The following ANKS1B variants were observed in gnomAD, a reference collection of about 807,000 sequenced individuals.
The protein encoded by ANKS1B is ankyrin repeat and sterile alpha motif domain-containing protein 1B.
Under a neutral mutation model 148.3 loss-of-function variants are expected in ANKS1B, and 36 were observed. The observed-to-expected ratio is 0.24, with a 90% CI of 0.19 to 0.32. The LOEUF (loss-of-function observed/expected upper bound fraction) is 0.32, where lower values mean the gene tolerates loss of function less well. Ranked by LOEUF, ANKS1B falls within the 10% of genes least tolerant of loss-of-function variation. The probability of loss-of-function intolerance (pLI) is 1.00; values close to 1 mark genes in which losing one functional copy is unlikely to be tolerated. For missense variants in ANKS1B, 1,157 were observed against 1,542.6 expected (o/e 0.75, Z 4.19); for synonymous variants, 542 against 560.8 (o/e 0.97, Z 0.47).
At chr12:99,665,361 T>C (rs1326321841) in intron 8 of ANKS1B, among the ~76,000 whole-genome samples, 1 of 152,224 alleles carries the variant, frequency 6.6e-6, no homozygotes, top group Non-Finnish European at 1.5e-5. Context: ...ATCACAATAA[T>C]AGTACTTTTA....
At chr12:99,959,752 C>T (rs2095382701) in intron 1 of ANKS1B, among the ~76,000 whole-genome samples, 1 of 152,144 alleles carries the variant, frequency 6.6e-6, no homozygotes. Context: ...ATAGTTGACA[C>T]TGAACAGCGT....
At chr12:99,229,852 G>T (rs950637647) in intron 14 of ANKS1B, among the ~76,000 whole-genome samples, 1 of 151,964 alleles carries the variant, frequency 6.6e-6, no homozygotes. Flanking sequence ...GAAGACATTT[G>T]CAAGTGGTTT....
At chr12:99,232,445 G>T (rs1449651879) in intron 14 of ANKS1B, among the ~76,000 whole-genome samples, 1 of 152,218 alleles carries the variant, frequency 6.6e-6, no homozygotes, top group Non-Finnish European at 1.5e-5. Flanking sequence ...GGGTGTTTAT[G>T]AGATTATCTG....
intron 17 of ANKS1B, among the ~76,000 whole-genome samples, chr12:98,896,308 G>A (rs2099764512): frequency 6.6e-6 from 1 of 152,150 alleles, no homozygotes; most frequent in African/African-American, 2.4e-5. Flanking sequence ...CTCTAAAATA[G>A]AAATATGAAT....
At chr12:98,916,025 C>G (rs1199365420) in intron 17 of ANKS1B, among the ~76,000 whole-genome samples, 3 of 152,190 alleles carry the variant, frequency 2.0e-5, no homozygotes, top group Admixed American at 2.0e-4. Context: ...CTGCTTAACG[C>G]TCCCACCACC....
rs200039726 is a variant in ANKS1B, at chr12:99,980,018, GA to G, written c.134+4085del. Among the ~76,000 whole-genome samples the G allele has an allele frequency of 7.0e-3, 1,044 of 149,768 alleles. 15 individuals carry two copies. The highest frequency in any genetic ancestry group is 0.024 in the African/African-American group (984 of 40,854). ...AGACAGACTCAAGAGTCAGAAAGAA[GA>G]AAAAAAAGAGTCAAAAAGATATAGA... On this transcript the variant is annotated intron_variant, in intron 1 of 26. Coordinates refer to ENST00000683438, the MANE Select transcript of ANKS1B (RefSeq NM_001352186.2).
At chr12:98,958,362 A>G (rs1301170170) in intron 17 of ANKS1B, among the ~76,000 whole-genome samples, 1 of 152,226 alleles carries the variant, frequency 6.6e-6, no homozygotes, top group African/African-American at 2.4e-5. Flanking sequence ...ACACAGCAAT[A>G]TATCTTAGAG....
chr12:99,298,278 C>T (rs138183472), intron 12 of ANKS1B, among the ~76,000 whole-genome samples: 108 of 152,286 alleles, frequency 7.1e-4, no homozygotes, highest in African/African-American at 2.3e-3. Flanking sequence ...ATAATCCCCA[C>T]GTGTCAAGGG....
intron 1 of ANKS1B, among the ~76,000 whole-genome samples, chr12:99,935,017 T>A (rs2094723742): frequency 6.6e-6 from 1 of 152,042 alleles, no homozygotes; most frequent in Non-Finnish European, 1.5e-5. Flanking sequence ...AATATTTGAA[T>A]GTATATACAG....
At chr12:99,648,951 A>G (rs2098399997) in intron 9 of ANKS1B, among the ~76,000 whole-genome samples, 1 of 152,130 alleles carries the variant, frequency 6.6e-6, no homozygotes, top group South Asian at 2.1e-4. Context: ...TACATTGAGG[A>G]GGTTCCTAGT....
At chr12:99,750,418 A>G (rs888036307) in intron 8 of ANKS1B, among the ~76,000 whole-genome samples, 36 of 152,130 alleles carry the variant, frequency 2.4e-4, no homozygotes, top group Admixed American at 1.2e-3. Flanking sequence ...TTATACTACT[A>G]CCTATAACTA....
intron 9 of ANKS1B, among the ~76,000 whole-genome samples, chr12:99,549,776 T>A (rs1242749578): frequency 6.6e-6 from 1 of 152,212 alleles, no homozygotes; most frequent in African/African-American, 2.4e-5. Context: ...TAGCCCAACA[T>A]TTTGTAAACT....
At chr12:99,733,161 G>A (rs901652605) in intron 8 of ANKS1B, among the ~76,000 whole-genome samples, 1 of 152,040 alleles carries the variant, frequency 6.6e-6, no homozygotes, top group Non-Finnish European at 1.5e-5. Context: ...TTTATGCTTG[G>A]CCATGCGACT....
At chr12:99,890,130 T>G (rs1348013952) in intron 1 of ANKS1B, among the ~76,000 whole-genome samples, 2 of 152,218 alleles carry the variant, frequency 1.3e-5, no homozygotes, top group South Asian at 2.1e-4. Flanking sequence ...CTTGGAGAGA[T>G]AATTATAATA....
In ANKS1B at chr12:98,835,119, AT is replaced by A. The variant is rs958579144; in HGVS notation, c.2779-2984del. Among the ~76,000 whole-genome samples the A allele has an allele frequency of 1.3e-3, 184 of 146,816 alleles. 1 individual carries two copies. The highest frequency in any genetic ancestry group is 1.9e-3 in the Non-Finnish European group (126 of 67,644). ...CTTAATTATTATTATTATTATTATT[AT>A]TATTATTTACAAAACTGACACTAAA... is the stretch of plus-strand genomic sequence containing the variant. On this transcript the variant is annotated intron_variant, in intron 17 of 26. Coordinates refer to ENST00000683438, the MANE Select transcript of ANKS1B (RefSeq NM_001352186.2).
chr12:98,753,845 C>A (rs1024941484), intron 25 of ANKS1B, among the ~76,000 whole-genome samples: 1 of 152,206 alleles, frequency 6.6e-6, no homozygotes, highest in Non-Finnish European at 1.5e-5. Flanking sequence ...TCTGTTCCTG[C>A]CCATCTCCAC....
intron 17 of ANKS1B, among the ~76,000 whole-genome samples, chr12:99,026,686 A>G (rs993172419): frequency 2.0e-4 from 31 of 152,164 alleles, no homozygotes; most frequent in Admixed American, 9.8e-4. Context: ...CTACTCTGCC[A>G]TGTTACCTGA....
chr12:99,935,355 G>C (rs553543131), intron 1 of ANKS1B, among the ~76,000 whole-genome samples: 1 of 60,324 alleles, frequency 1.7e-5, no homozygotes. Flanking sequence ...GTAGATGCCT[G>C]ACAAAAAAAA....
intron 9 of ANKS1B, among the ~76,000 whole-genome samples, chr12:98,738,577 A>G (rs2097784409): frequency 6.6e-6 from 1 of 152,228 alleles, no homozygotes; most frequent in Non-Finnish European, 1.5e-5. Flanking sequence ...TGCAGACTGC[A>G]GCTTCAGTTT....
Sources: allele counts gnomAD v4.1 joint callset (sites outside exome capture counted in the v4.1 genomes callset), GRCh38; gene constraint gnomAD v4.1.1; transcripts MANE v1.5; gene names NCBI Gene and HGNC (gene_info 2026-07-23, HGNC 2026-07-21).